ARAP2: variants seen among roughly 807,000 people sequenced by gnomAD.
ARAP2 encodes the protein arf-GAP with Rho-GAP domain, ANK repeat and PH domain-containing protein 2.
Under a neutral mutation model 194.5 loss-of-function variants are expected in ARAP2, and 148 were observed. That is an observed-to-expected ratio of 0.76 (90% CI 0.67 to 0.87). ARAP2 has a LOEUF of 0.87. ARAP2 is among the 40% of genes least tolerant of loss of function. ARAP2 has a pLI of 0.00. For missense variants in ARAP2, 2,128 were observed against 1,989.7 expected (o/e 1.07, Z -1.32); for synonymous variants, 695 against 683.5 (o/e 1.02, Z -0.26).
chr4:36,134,544 A>G (rs1180551219), intron 19 of ARAP2, among the ~76,000 whole-genome samples: 1 of 151,712 alleles, frequency 6.6e-6, no homozygotes, highest in Non-Finnish European at 1.5e-5. Context: ...CAACCCCTGT[A>G]ATGTCTACTC....
chr4:36,074,535 TA>T (rs1280930066), intron 31 of ARAP2, among the ~76,000 whole-genome samples: 2 of 152,134 alleles, frequency 1.3e-5, no homozygotes, highest in East Asian at 3.9e-4. Flanking sequence ...TATATACATA[TA>T]AAAAATTCTT....
chr4:36,014,506 T>G (rs1448405054), intron 8 of ARAP2, among the ~76,000 whole-genome samples: 1 of 152,186 alleles, frequency 6.6e-6, no homozygotes, highest in Non-Finnish European at 1.5e-5. Flanking sequence ...TAATTACAAT[T>G]TACATCACTA....
chr4:36,050,433 C>A (rs1364347434), intron 3 of ARAP2, among the ~76,000 whole-genome samples: 1 of 152,066 alleles, frequency 6.6e-6, no homozygotes, highest in Non-Finnish European at 1.5e-5. Context: ...AGCACAAAAA[C>A]CTAGAAAAAC....
intron 9 of ARAP2, among the ~76,000 whole-genome samples, chr4:36,170,478 C>A (rs746988819): frequency 1.3e-5 from 2 of 152,194 alleles, no homozygotes; most frequent in South Asian, 2.1e-4. Context: ...TGCATGCAAT[C>A]AGAACATACA....
chr4:36,037,782 T>C (rs1720189047), intron 5 of ARAP2, among the ~76,000 whole-genome samples: 1 of 152,164 alleles, frequency 6.6e-6, no homozygotes, highest in African/African-American at 2.4e-5. Context: ...CACCAATATT[T>C]TATTTTATAT....
intron 25 of ARAP2, among the ~76,000 whole-genome samples, chr4:36,115,792 T>C (rs1264965661): frequency 6.6e-6 from 1 of 152,018 alleles, no homozygotes; most frequent in Non-Finnish European, 1.5e-5. Context: ...TCATAAGCAT[T>C]AAAACCTAAG....
intron 5 of ARAP2, among the ~76,000 whole-genome samples, chr4:36,042,944 G>T (rs1354810371): frequency 2.6e-5 from 4 of 151,480 alleles, no homozygotes; most frequent in African/African-American, 9.7e-5. Context: ...CCAGGTTCAA[G>T]CAATTCTCCT....
At chr4:36,242,506 A>G (rs1753711881) in intron 1 of ARAP2, among the ~76,000 whole-genome samples, 1 of 152,230 alleles carries the variant, frequency 6.6e-6, no homozygotes. Context: ...CATGAAGTCT[A>G]TAACCCAGAA....
At chr4:36,128,415 G>T in intron 21 of ARAP2, 118 bp downstream of exon 21, 1 of 712,414 alleles carries the variant, frequency 1.4e-6, no homozygotes, top group Non-Finnish European at 2.3e-6. Flanking sequence ...TAAAATTTCA[G>T]CTTATCAAAG....
chr4:36,148,744 G>C (rs1370738112), intron 16 of ARAP2, among the ~76,000 whole-genome samples: 1 of 152,096 alleles, frequency 6.6e-6, no homozygotes, highest in African/African-American at 2.4e-5. Context: ...GTATAACTTT[G>C]TTTATGCCCT....
At chr4:36,096,374 A>AAAAAAAAAAAAAAAAAG (rs796310005) in intron 27 of ARAP2, among the ~76,000 whole-genome samples, 9 of 142,084 alleles carry the variant, frequency 6.3e-5, no homozygotes, top group Admixed American at 2.1e-4. Context: ...AAAAAAAAAA[A>AAAAAAAAAAAAAAAAAG]AAAAAAGAAA....
chr4:36,073,895 G>A, intron 31 of ARAP2, 72 bp from the exon 32 acceptor site: 1 of 1,541,860 alleles, frequency 6.5e-7, no homozygotes, highest in Non-Finnish European at 8.8e-7. Flanking sequence ...AAAGCCACTT[G>A]GTTTCTTTCC....
At chr4:36,178,089 T>G (rs1287165311) in intron 8 of ARAP2, 84 bp from the exon 9 acceptor site, 1 of 1,200,240 alleles carries the variant, frequency 8.3e-7, no homozygotes, top group African/African-American at 1.5e-5. Flanking sequence ...TCCATGCCCT[T>G]TGCAACACAT....
chr4:36,234,257 T>C (rs1206174396), intron 1 of ARAP2, among the ~76,000 whole-genome samples: 1 of 152,098 alleles, frequency 6.6e-6, no homozygotes, highest in African/African-American at 2.4e-5. Context: ...AAGTCCAAGG[T>C]CAAGGCGCCT....
In ARAP2 at chr4:36,133,325, C is replaced by G; in HGVS notation, c.3328G>C (p.Ala1110Pro). ...AAAGCATTACCATCTGTACCTGCTG[C>G]TTTTTCAATTGCAGTATGCCAGACT... ...FTVWHTAIEK[A>P]AGTDGNALQD... The change falls in exon 20 of 33, where the codon GCA becomes CCA. Residue 1110 changes from alanine to proline, a missense_variant. Physicochemically the swap from Ala to Pro is conservative, Grantham distance 27. Coordinates refer to ENST00000303965, the MANE Select transcript of ARAP2 (RefSeq NM_015230.4). 6.2e-7 allele frequency: 1 copy of G among 1,611,346 alleles called. No homozygotes were observed. The highest frequency in any genetic ancestry group is 8.5e-7 in the Non-Finnish European group (1 of 1,178,308).
intron 6 of ARAP2, among the ~76,000 whole-genome samples, chr4:36,195,820 T>C (rs1321989636): frequency 6.6e-6 from 1 of 152,232 alleles, no homozygotes; most frequent in East Asian, 1.9e-4. Context: ...CAACCTCTAA[T>C]TTTATATATT....
At chr4:36,053,206 A>C (rs984635766) in intron 2 of ARAP2, among the ~76,000 whole-genome samples, 1 of 151,876 alleles carries the variant, frequency 6.6e-6, no homozygotes, top group African/African-American at 2.4e-5. Flanking sequence ...TGGTTTTACC[A>C]TCTTGGCCAG....
chr4:36,073,867 T>C (rs531586301), intron 31 of ARAP2, 44 bp from the exon 32 acceptor site: 12 of 1,607,704 alleles, frequency 7.5e-6, no homozygotes, highest in East Asian at 6.7e-5. Context: ...GATTTTATTA[T>C]GTGGTATACT....
intron 2 of ARAP2, among the ~76,000 whole-genome samples, chr4:36,057,196 T>C (rs542289667): frequency 6.6e-6 from 1 of 151,644 alleles, no homozygotes; most frequent in East Asian, 1.9e-4. Context: ...ATAATTGTAA[T>C]TGTTTTTTTT....
Sources: gnomAD v4.1 joint callset for allele counts (sites outside exome capture counted in the v4.1 genomes callset) on GRCh38, gnomAD v4.1.1 for gene constraint, MANE v1.5 for transcripts, NCBI Gene and HGNC (gene_info 2026-07-23, HGNC 2026-07-21) for gene names.